CACNG2: variants seen among roughly 807,000 people sequenced by gnomAD.
CACNG2 encodes the protein voltage-dependent calcium channel gamma-2 subunit.
A neutral mutation model predicts 25.9 loss-of-function variants in CACNG2; 3 were observed. The observed-to-expected ratio is 0.12, with a 90% CI of 0.05 to 0.30. CACNG2 has a LOEUF of 0.30. Among genes scored for constraint, CACNG2 ranks in the 10% least tolerant of loss-of-function variants. CACNG2 has a pLI of 1.00. For synonymous variants in CACNG2, 167 were observed against 173.3 expected, an observed-to-expected ratio of 0.96 and a Z score of 0.29; for missense variants, 341 against 432.5, an observed-to-expected ratio of 0.79 and a Z score of 1.88.
intron 1 of CACNG2, among the ~76,000 whole-genome samples, chr22:36,684,441 C>G (rs1016200432): frequency 6.6e-6 from 1 of 151,788 alleles, no homozygotes; most frequent in Non-Finnish European, 1.5e-5. Flanking sequence ...CATGGCGAAA[C>G]CCCATCTCTA....
intron 1 of CACNG2, among the ~76,000 whole-genome samples, chr22:36,623,892 A>T (rs1936144518): frequency 6.6e-6 from 1 of 152,210 alleles, no homozygotes; most frequent in Non-Finnish European, 1.5e-5. Context: ...GTTCAGTCTC[A>T]TTAACCCCAA....
chr22:36,638,778 T>A (rs1273120767), intron 1 of CACNG2, among the ~76,000 whole-genome samples: 1 of 152,216 alleles, frequency 6.6e-6, no homozygotes, highest in Admixed American at 6.5e-5. Flanking sequence ...TCCCACGATA[T>A]CCCCAGCGTT....
chr22:36,635,471 T>C (rs1287345446), intron 1 of CACNG2, among the ~76,000 whole-genome samples: 1 of 152,188 alleles, frequency 6.6e-6, no homozygotes, highest in Non-Finnish European at 1.5e-5. Context: ...TGCTTGTTAC[T>C]GGGCCACTTA....
In CACNG2 at chr22:36,650,622, C is replaced by T. The variant is rs537334721; in HGVS notation, c.211+51744G>A. On this transcript the variant is annotated intron_variant, in intron 1 of 3. Transcript: ENST00000300105. ...AAACTCCTGGGCACAAGCAATCCTC[C>T]CACCCTGGCCTCCCAAAGTGCTAGG... Among the ~76,000 whole-genome samples, 51 of 152,278 alleles carry T rather than the reference C, an allele frequency of 3.3e-4. No homozygotes were observed. In the South Asian group the frequency reaches 0.01, roughly 30 times the overall value.
At chr22:36,579,074 C>A (rs894445840) in intron 2 of CACNG2, among the ~76,000 whole-genome samples, 3 of 152,248 alleles carry the variant, frequency 2.0e-5, no homozygotes, top group African/African-American at 4.8e-5. Context: ...ATCCACAAGA[C>A]CTCTCTCTTA....
chr22:36,584,770 T>C (rs1431355468), intron 2 of CACNG2: 1 of 152,280 alleles, frequency 6.6e-6, no homozygotes, highest in African/African-American at 2.4e-5. Flanking sequence ...AGCATAAACA[T>C]TAGGTCTGTA....
chr22:36,596,583 A>G (rs1398593055), intron 1 of CACNG2, among the ~76,000 whole-genome samples: 1 of 152,174 alleles, frequency 6.6e-6, no homozygotes, highest in African/African-American at 2.4e-5. Flanking sequence ...GGCACTGGGC[A>G]GGGTGAGATG....
At position 36,658,563 on chromosome 22, in the gene CACNG2, G is replaced by T. The variant is rs1353542446; in HGVS notation, c.211+43803C>A. Among the ~76,000 whole-genome samples the T allele has an allele frequency of 3.3e-5, 5 of 152,318 alleles. No individual in the cohort carries two copies. The East Asian group carries it at 9.7e-4, about 29-fold the overall frequency. On this transcript the variant is annotated intron_variant, in intron 1 of 3. Transcript: ENST00000300105. The stretch of plus-strand genomic sequence containing the variant: ...ATTTACTATCTCAGGGCTTCTAAGT[G>T]TTGGGGTGGGATTTAAGCCTGTCTT...
rs1603500073 is a variant in CACNG2, at chr22:36,563,219, T to C, written c.*1132A>G. ...GAACCCGCTGGGCCCCAAGGGGGCA[T>C]CAGTGAGTCCAAGGACCCCCAAAGG... On this transcript the variant is annotated 3_prime_UTR_variant, in exon 4 of 4. Coordinates refer to ENST00000300105, the MANE Select transcript of CACNG2 (RefSeq NM_006078.5). Among the ~76,000 whole-genome samples, 2 of 152,062 alleles carry C rather than the reference T, an allele frequency of 1.3e-5. No individual in the cohort carries two copies. Among genetic ancestry groups the C allele is most frequent in the African/African-American group, 4.8e-5 (2 of 41,416 alleles).
chr22:36,628,999 T>A (rs1291441462), intron 1 of CACNG2, among the ~76,000 whole-genome samples: 1 of 151,870 alleles, frequency 6.6e-6, no homozygotes, highest in Non-Finnish European at 1.5e-5. Context: ...AAAAAAAAAC[T>A]GACAACTGTC....
chr22:36,655,179 C>A (rs1013089670), intron 1 of CACNG2, among the ~76,000 whole-genome samples: 2 of 152,082 alleles, frequency 1.3e-5, no homozygotes, highest in African/African-American at 2.4e-5. Context: ...TATAATTATT[C>A]TTTGACTTCT....
chr22:36,584,178 G>A (rs930752212), intron 2 of CACNG2, among the ~76,000 whole-genome samples: 2 of 152,134 alleles, frequency 1.3e-5, no homozygotes, highest in African/African-American at 2.4e-5. Context: ...GGGGCCGGGC[G>A]TGGTGGCTCA....
At chr22:36,600,532 A>G (rs981400272) in intron 1 of CACNG2, among the ~76,000 whole-genome samples, 1 of 151,148 alleles carries the variant, frequency 6.6e-6, no homozygotes, top group Non-Finnish European at 1.5e-5. Context: ...GTCTTTAAAA[A>G]AGCTTGATTT....
chr22:36,702,234 G>T, intron 1 of CACNG2, 132 bp downstream of exon 1: 1 of 665,934 alleles, frequency 1.5e-6, no homozygotes, highest in Non-Finnish European at 2.7e-6. Flanking sequence ...AACCAACCTT[G>T]ATTGGTGGTG....
intron 1 of CACNG2, among the ~76,000 whole-genome samples, chr22:36,599,704 A>G (rs75729428): frequency 6.7e-6 from 1 of 149,258 alleles, no homozygotes; most frequent in East Asian, 1.9e-4. Context: ...TGTCTCAAAG[A>G]AAAAAAAAAG....
At chr22:36,605,078 C>A (rs1435936672) in intron 1 of CACNG2, among the ~76,000 whole-genome samples, 1 of 151,992 alleles carries the variant, frequency 6.6e-6, no homozygotes, top group Non-Finnish European at 1.5e-5. Context: ...CTTGGCCCAA[C>A]ATAACTTTTT....
intron 1 of CACNG2, among the ~76,000 whole-genome samples, chr22:36,685,147 C>T (rs1937178583): frequency 6.6e-6 from 1 of 152,192 alleles, no homozygotes; most frequent in South Asian, 2.1e-4. Flanking sequence ...AGAGCTCTCC[C>T]TGGGCAGCGT....
At chr22:36,655,883 C>G (rs1182561088) in intron 1 of CACNG2, among the ~76,000 whole-genome samples, 1 of 151,174 alleles carries the variant, frequency 6.6e-6, no homozygotes, top group Non-Finnish European at 1.5e-5. Flanking sequence ...TCTCGGCTCA[C>G]CGCAATCTCC....
intron 2 of CACNG2, among the ~76,000 whole-genome samples, chr22:36,568,256 G>T (rs1041817717): frequency 6.6e-6 from 1 of 152,178 alleles, no homozygotes; most frequent in African/African-American, 2.4e-5. Context: ...GGTTGGTTTT[G>T]GAGGGGAATG....
Sources: allele counts gnomAD v4.1 joint callset (sites outside exome capture counted in the v4.1 genomes callset), GRCh38; gene constraint gnomAD v4.1.1; transcripts MANE v1.5; gene names NCBI Gene and HGNC (gene_info 2026-07-23, HGNC 2026-07-21).